CCDC15: variants seen among roughly 807,000 people sequenced by gnomAD.
CCDC15 encodes coiled-coil domain-containing protein 15.
Under a neutral mutation model 114.5 loss-of-function variants are expected in CCDC15, and 105 were observed. The ratio of observed to expected loss-of-function variants is 0.92; its 90% CI spans 0.78 to 1.08. The LOEUF (loss-of-function observed/expected upper bound fraction) is 1.08. Ranked by LOEUF, CCDC15 falls within the 50% of genes least tolerant of loss-of-function variation. CCDC15 has a pLI of 0.00. For missense variants in CCDC15, 1,105 were observed against 1,093.6 expected (o/e 1.01, Z -0.15); for synonymous variants, 334 against 377.8 (o/e 0.88, Z 1.34).
intron 13 of CCDC15, among the ~76,000 whole-genome samples, chr11:125,018,688 C>T (rs762299545): frequency 2.0e-5 from 3 of 151,912 alleles, no homozygotes; most frequent in Non-Finnish European, 4.4e-5. Context: ...AATGAGGTAA[C>T]GTGTAAATGT....
At chr11:125,039,295 A>G (rs1359037345) in intron 15 of CCDC15, 7 of 414,784 alleles carry the variant, frequency 1.7e-5, no homozygotes, top group Middle Eastern at 6.3e-4. Flanking sequence ...AAATATTTTC[A>G]GCTCATTCTA....
intron 13 of CCDC15, among the ~76,000 whole-genome samples, chr11:125,030,495 T>C (rs1948730787): frequency 6.6e-6 from 1 of 152,142 alleles, no homozygotes; most frequent in African/African-American, 2.4e-5. Flanking sequence ...ACAGAAGCAT[T>C]GGCAGAAGCA....
intron 13 of CCDC15, among the ~76,000 whole-genome samples, chr11:125,017,839 T>C (rs1002818619): frequency 5.3e-5 from 8 of 152,006 alleles, no homozygotes; most frequent in African/African-American, 1.9e-4. Flanking sequence ...AACAAAATAG[T>C]TTAAAAAGTT....
At chr11:124,993,292 G>T in intron 11 of CCDC15, 49 bp downstream of exon 11, 2 of 1,236,490 alleles carry the variant, frequency 1.6e-6, no homozygotes, top group African/African-American at 1.5e-5. Context: ...GAGAAGTAGA[G>T]CAGAATATAG....
At chr11:124,974,712 GAGCACTTGA>G (rs779950243) in intron 4 of CCDC15, among the ~76,000 whole-genome samples, 1 of 152,094 alleles carries the variant, frequency 6.6e-6, no homozygotes, top group Non-Finnish European at 1.5e-5. Context: ...AGCATATATG[GAGCACTTGA>G]AGAAATAACT....
At chr11:124,980,197 C>G (rs1397976844) in intron 6 of CCDC15, among the ~76,000 whole-genome samples, 1 of 152,086 alleles carries the variant, frequency 6.6e-6, no homozygotes, top group African/African-American at 2.4e-5. Flanking sequence ...ATTTTTGCAT[C>G]TATGTTTATC....
chr11:125,025,435 G>A (rs758445608), intron 13 of CCDC15, among the ~76,000 whole-genome samples: 1 of 151,720 alleles, frequency 6.6e-6, no homozygotes, highest in African/African-American at 2.4e-5. Flanking sequence ...GGCCTTATAG[G>A]ATGAGTTGGG....
chr11:124,987,937 C>T lies in CCDC15; in HGVS notation c.1711C>T (p.Pro571Ser), dbSNP rs772282016. 1.9e-6 allele frequency: 3 copies of T among 1,613,786 alleles called. No homozygotes were observed. Among genetic ancestry groups the T allele is most frequent in the Non-Finnish European group, 2.5e-6 (3 of 1,179,876 alleles). Residue 571 changes from proline to serine, a missense_variant, in exon 8 of 16, where the codon CCC (proline) becomes TCC (serine). Pro to Ser is a moderately conservative substitution (Grantham distance 74, BLOSUM62 -1). Coordinates refer to ENST00000344762, the MANE Select transcript of CCDC15 (RefSeq NM_025004.3). ...TCTACCCAGAGACCAAGGTGTTCTT[C>T]CCAAAGACCAAAATATTCTACCCAT... is the stretch of plus-strand genomic sequence containing the variant. ...DFLPRDQGVLPKDQNILPICQ... is the reference protein window; with the variant it reads ...DFLPRDQGVLSKDQNILPICQ...
intron 13 of CCDC15, among the ~76,000 whole-genome samples, chr11:125,029,940 T>A (rs1224514434): frequency 1.3e-5 from 2 of 152,190 alleles, no homozygotes; most frequent in Non-Finnish European, 2.9e-5. Context: ...TCTGGGTTGG[T>A]CATCCCAGCC....
intron 13 of CCDC15, among the ~76,000 whole-genome samples, chr11:125,017,966 TA>T (rs1350101526): frequency 6.6e-6 from 1 of 152,050 alleles, no homozygotes; most frequent in African/African-American, 2.4e-5. Flanking sequence ...AAGAGTCAAG[TA>T]AAAAAATTCA....
At chr11:124,961,939 G>C (rs975446434) in intron 4 of CCDC15, among the ~76,000 whole-genome samples, 6 of 152,138 alleles carry the variant, frequency 3.9e-5, no homozygotes, top group Non-Finnish European at 8.8e-5. Flanking sequence ...GTTTATAATG[G>C]AGAATAACCA....
chr11:124,956,938 AG>A (rs1160445231), intron 2 of CCDC15, among the ~76,000 whole-genome samples: 1 of 152,172 alleles, frequency 6.6e-6, no homozygotes, highest in Admixed American at 6.5e-5. Context: ...CCAAAATTTC[AG>A]GGGGCCATCA....
At chr11:125,025,867 ATTAG>A (rs899504171) in intron 13 of CCDC15, among the ~76,000 whole-genome samples, 12 of 152,076 alleles carry the variant, frequency 7.9e-5, no homozygotes, top group Admixed American at 2.0e-4. Context: ...CTGACTTAAG[ATTAG>A]TTAGTTTTAT....
intron 4 of CCDC15, among the ~76,000 whole-genome samples, chr11:124,973,564 A>T (rs1453490721): frequency 6.6e-6 from 1 of 152,108 alleles, no homozygotes; most frequent in South Asian, 2.1e-4. Context: ...CTGTAAAAAA[A>T]TCTGGGCTGG....
intron 8 of CCDC15, among the ~76,000 whole-genome samples, chr11:124,989,909 T>C (rs1321109623): frequency 1.3e-5 from 2 of 152,236 alleles, no homozygotes; most frequent in African/African-American, 4.8e-5. Flanking sequence ...ATTTTGCATA[T>C]CAGCAATAAG....
chr11:124,987,510 C>T lies in CCDC15; in HGVS notation c.1284C>T (p.Leu428=), dbSNP rs778750782. Reference sequence around the variant, plus strand: ...TAACGAAAAACCAGGATGTTTTACTCAAAGACCACTGTGTTCTCCCTAAAG... The same window carrying T: ...TAACGAAAAACCAGGATGTTTTACTTAAAGACCACTGTGTTCTCCCTAAAG... The part of the protein sequence containing the change: ...ALLTKNQDVL[L]KDHCVLPKDQ... Residue 428 remains leucine (L), a synonymous_variant, in exon 8 of 16, where the codon CTC becomes CTT. Coordinates refer to ENST00000344762, the MANE Select transcript of CCDC15 (RefSeq NM_025004.3). 6.2e-7 allele frequency: 1 copy of T among 1,614,030 alleles called. No individual in the cohort carries two copies. Among genetic ancestry groups the T allele is most frequent in the East Asian group, 2.2e-5 (1 of 44,892 alleles).
At chr11:125,006,962 T>C (rs889216338) in intron 13 of CCDC15, among the ~76,000 whole-genome samples, 4 of 152,232 alleles carry the variant, frequency 2.6e-5, no homozygotes, top group Admixed American at 2.6e-4. Context: ...ACATAATAAT[T>C]GTACATATTT....
chr11:125,014,667 G>C (rs1948616334), intron 13 of CCDC15, among the ~76,000 whole-genome samples: 1 of 152,134 alleles, frequency 6.6e-6, no homozygotes. Flanking sequence ...AGGAGGGAAA[G>C]ACAACAAACT....
intron 2 of CCDC15, among the ~76,000 whole-genome samples, chr11:124,958,562 A>G (rs564112082): frequency 2.0e-5 from 3 of 152,310 alleles, no homozygotes; most frequent in African/African-American, 7.2e-5. Context: ...ATAAAGGAGA[A>G]TTGAATACAT....
Sources: gnomAD v4.1 joint callset for allele counts (sites outside exome capture counted in the v4.1 genomes callset) on GRCh38, gnomAD v4.1.1 for gene constraint, MANE v1.5 for transcripts, NCBI Gene and HGNC (gene_info 2026-07-23, HGNC 2026-07-21) for gene names.